EDA: variants seen among roughly 807,000 people sequenced by gnomAD.
The protein encoded by EDA is ectodysplasin-A.
A neutral mutation model predicts 23.6 loss-of-function variants in EDA; 2 were observed. The observed-to-expected ratio is 0.08, with a 90% confidence interval of 0.03 to 0.27. The LOEUF is 0.27. Ranked by LOEUF, EDA falls within the 10% of genes least tolerant of loss-of-function variation. The pLI, the probability that EDA is intolerant of heterozygous loss-of-function variation, is 1.00. For synonymous variants in EDA, 131 were observed against 132.0 expected, an observed-to-expected ratio of 0.99 and a Z score of 0.05; for missense variants, 229 against 324.2, an observed-to-expected ratio of 0.71 and a Z score of 2.26.
At chrX:69,621,424 A>C (rs1480529949) in intron 1 of EDA, among the ~76,000 whole-genome samples, 1 of 112,095 alleles carries the variant, frequency 8.9e-6, no homozygotes, top group Non-Finnish European at 1.9e-5. Flanking sequence ...AATCATTACA[A>C]AGTGAATATA....
intron 1 of EDA, among the ~76,000 whole-genome samples, chrX:69,874,009 A>G (rs766304610): frequency 4.4e-5 from 5 of 112,445 alleles, no homozygotes; most frequent in East Asian, 5.6e-4. Context: ...GGTTGCAGGG[A>G]TGGTTTAACA....
chrX:69,965,631 G>T (rs1006126477), intron 2 of EDA, among the ~76,000 whole-genome samples: 1 of 112,346 alleles, frequency 8.9e-6, no homozygotes, highest in African/African-American at 3.2e-5. Context: ...TGATAAATCT[G>T]TAACTGGTCA....
At chrX:69,703,396 G>T (rs1878809544) in intron 1 of EDA, among the ~76,000 whole-genome samples, 2 of 112,060 alleles carry the variant, frequency 1.8e-5, no homozygotes, top group South Asian at 3.8e-4. Flanking sequence ...GGAGGCGTAG[G>T]TCCACAGGGG....
intron 1 of EDA, among the ~76,000 whole-genome samples, chrX:69,865,899 TAAAGGA>T (rs1311388471): frequency 8.9e-6 from 1 of 112,352 alleles, no homozygotes; most frequent in Non-Finnish European, 1.9e-5. Context: ...CGTCACATGA[TAAAGGA>T]AAAGGAAATA....
chrX:69,728,243 C>CAAAA (rs71895672), intron 1 of EDA, among the ~76,000 whole-genome samples: 1 of 92,083 alleles, frequency 1.1e-5, no homozygotes, highest in Non-Finnish European at 2.1e-5. Context: ...GACTCCATCT[C>CAAAA]AAAAAAAAAA....
chrX:69,721,053 G>A (rs2012559818), intron 1 of EDA, among the ~76,000 whole-genome samples: 1 of 112,134 alleles, frequency 8.9e-6, no homozygotes, highest in Admixed American at 9.4e-5. Context: ...TGTGGGTTGT[G>A]GTTCCAGTGG....
chrX:69,855,538 G>A (rs989439109), intron 1 of EDA, among the ~76,000 whole-genome samples: 205 of 111,935 alleles, frequency 1.8e-3, no homozygotes, highest in Non-Finnish European at 6.0e-4. Flanking sequence ...CATATGGCTA[G>A]ACAGTATTCC....
At chrX:69,743,055 A>C (rs1288077797) in intron 1 of EDA, 1 of 110,994 alleles carries the variant, frequency 9.0e-6, no homozygotes, top group African/African-American at 3.3e-5. Context: ...CGGTTAAGGC[A>C]AGTCACCTCA....
intron 1 of EDA, among the ~76,000 whole-genome samples, chrX:69,801,983 C>T (rs2015699451): frequency 9.0e-6 from 1 of 111,504 alleles, no homozygotes; most frequent in Non-Finnish European, 1.9e-5. Flanking sequence ...TGATGAATGA[C>T]CCAGGCACTT....
At chrX:69,720,458 C>G (rs1241486599) in intron 1 of EDA, among the ~76,000 whole-genome samples, 1 of 111,535 alleles carries the variant, frequency 9.0e-6, no homozygotes, top group Non-Finnish European at 1.9e-5. Flanking sequence ...TTCATTTTGT[C>G]CCACATCCTT....
chrX:69,713,522 C>G lies in EDA; in HGVS notation c.396+96818C>G, dbSNP rs142208200. Among the ~76,000 whole-genome samples, 856 of 111,719 alleles carry G rather than the reference C, an allele frequency of 7.7e-3. 5 individuals are homozygous for G. The highest frequency in any genetic ancestry group is 0.027 in the African/African-American group (824 of 30,807). ...CACACCCGCTGCCTCCTTGTGTACC[C>G]TCCCTTTACCCCATGTCTAACCCCT... On this transcript the variant is annotated intron_variant, in intron 1 of 7. Transcript: ENST00000374552.
chrX:69,740,745 C>T (rs1235638854), intron 1 of EDA, among the ~76,000 whole-genome samples: 2 of 110,216 alleles, frequency 1.8e-5, no homozygotes, highest in Non-Finnish European at 1.9e-5. Flanking sequence ...GCCTCTTTCT[C>T]TCTTGTCTCC....
At chrX:69,673,049 G>A (rs1933956554) in intron 1 of EDA, among the ~76,000 whole-genome samples, 1 of 111,429 alleles carries the variant, frequency 9.0e-6, no homozygotes. Flanking sequence ...CACAGAGAAA[G>A]TGAACGGTAG....
At chrX:69,936,739 T>C (rs1490710814) in intron 1 of EDA, among the ~76,000 whole-genome samples, 2 of 111,492 alleles carry the variant, frequency 1.8e-5, no homozygotes, top group Non-Finnish European at 3.8e-5. Context: ...TCCTGCAGAA[T>C]GGAAGGGAGA....
At chrX:69,729,083 A>C (rs1033870755) in intron 1 of EDA, 1 of 111,372 alleles carries the variant, frequency 9.0e-6, no homozygotes, top group African/African-American at 3.3e-5. Flanking sequence ...GTATCTTTGG[A>C]TGACTATATC....
intron 1 of EDA, among the ~76,000 whole-genome samples, chrX:69,837,273 T>A (rs751176512): frequency 8.9e-6 from 1 of 111,910 alleles, no homozygotes; most frequent in South Asian, 3.8e-4. Flanking sequence ...AGTGCAATTC[T>A]CCCTTCTTTA....
At chrX:69,988,438 G>A (rs1431282463) in intron 2 of EDA, among the ~76,000 whole-genome samples, 2 of 112,446 alleles carry the variant, frequency 1.8e-5, no homozygotes, top group Non-Finnish European at 3.8e-5. Flanking sequence ...TGCCTGAGGG[G>A]ATGGATACGC....
chrX:69,996,744 G>A (rs937867029), intron 2 of EDA, among the ~76,000 whole-genome samples: 4 of 111,761 alleles, frequency 3.6e-5, no homozygotes, highest in African/African-American at 9.8e-5. Flanking sequence ...ATCTTGAATT[G>A]TACTCCCATA....
intron 1 of EDA, among the ~76,000 whole-genome samples, chrX:69,716,561 T>C (rs1417221235): frequency 3.6e-5 from 4 of 111,164 alleles, no homozygotes; most frequent in South Asian, 3.8e-4. Flanking sequence ...TGGGCTGTTA[T>C]TTGGTTCCAT....
Sources: allele counts gnomAD v4.1 joint callset (sites outside exome capture counted in the v4.1 genomes callset), GRCh38; gene constraint gnomAD v4.1.1; transcripts MANE v1.5; gene names NCBI Gene and HGNC (gene_info 2026-07-23, HGNC 2026-07-21).